Variants in SMC6 observed in about 807,000 individuals in gnomAD.
SMC6 encodes the protein structural maintenance of chromosomes protein 6.
A neutral mutation model predicts 142.2 loss-of-function variants in SMC6; 79 were observed. The observed-to-expected ratio is 0.56, with a 90% confidence interval of 0.46 to 0.67. The LOEUF (loss-of-function observed/expected upper bound fraction) is 0.67, where lower values mean the gene tolerates loss of function less well. SMC6 is among the 30% of genes least tolerant of loss of function. SMC6 has a pLI of 0.00. For synonymous variants in SMC6, 411 were observed against 412.4 expected (o/e 1.00, Z 0.04); for missense variants, 1,072 against 1,284.0 (o/e 0.83, Z 2.52).
At position 17,697,876 on chromosome 2, in the gene SMC6, T is replaced by C. The variant is rs139361808; in HGVS notation, c.2395-1450A>G. ...TGATAATACATATCTATACAAAAAC[T>C]TGTACATGAATGTTCGCAGCAGCAG... is the stretch of plus-strand genomic sequence containing the variant. On this transcript the variant is annotated intron_variant, in intron 21 of 27. Coordinates refer to ENST00000448223, the MANE Select transcript of SMC6 (RefSeq NM_001142286.2). 1.5e-3 allele frequency among the ~76,000 whole-genome samples: 221 copies of C among 152,168 alleles called. 12 individuals carry two copies. In the East Asian group the frequency reaches 0.036, roughly 25 times the overall value.
rs1034715060 is a variant in SMC6 at position 17,673,561 on chromosome 2, A to T, written c.2911-2986T>A. ...GCTTACTGTTTATTATTTAAAAAAA[A>T]ATTTTTTTTTTTAAATTTTTTTTTT... On this transcript the variant is annotated intron_variant, in intron 25 of 27. Coordinates refer to ENST00000448223, the MANE Select transcript of SMC6 (RefSeq NM_001142286.2). 1.0e-3 allele frequency among the ~76,000 whole-genome samples: 148 copies of T among 147,010 alleles called. 1 individual carries two copies. The highest frequency in any genetic ancestry group is 3.2e-3 in the African/African-American group (124 of 38,646).
intron 11 of SMC6, among the ~76,000 whole-genome samples, chr2:17,719,202 TG>T (rs939703591): frequency 6.6e-6 from 1 of 152,166 alleles, no homozygotes; most frequent in African/African-American, 2.4e-5. Context: ...GTAGAGGAAT[TG>T]TTTTTTTAAT....
At chr2:17,676,624 T>C (rs903582715) in intron 25 of SMC6, among the ~76,000 whole-genome samples, 6 of 152,232 alleles carry the variant, frequency 3.9e-5, no homozygotes, top group African/African-American at 1.4e-4. Flanking sequence ...AGGCAGTCTG[T>C]ATATCAATTT....
At chr2:17,724,974 G>T (rs1290672545) in intron 9 of SMC6, among the ~76,000 whole-genome samples, 1 of 152,088 alleles carries the variant, frequency 6.6e-6, no homozygotes, top group Admixed American at 6.5e-5. Context: ...GAACCCATTA[G>T]TCATACTATC....
chr2:17,739,821 AACACACACACAC>A (rs148768584), intron 4 of SMC6, among the ~76,000 whole-genome samples: 1 of 111,434 alleles, frequency 9.0e-6, no homozygotes, highest in African/African-American at 4.1e-5. Context: ...TTTCTCTTTA[AACACACACACAC>A]ACACACACAC....
At chr2:17,672,420 T>TCC (rs144596052) in intron 25 of SMC6, among the ~76,000 whole-genome samples, 1 of 294 alleles carries the variant, frequency 3.4e-3, no homozygotes, top group Admixed American at 0.05. Context: ...TTCTAATACT[T>TCC]TTTTTTCTCC....
chr2:17,696,477 T>C (rs547083556), intron 21 of SMC6, 51 bp from the exon 22 acceptor site: 8 of 1,577,196 alleles, frequency 5.1e-6, no homozygotes, highest in African/African-American at 2.7e-5. Context: ...ATTTCCAGCA[T>C]AGGTATAAAG....
intron 23 of SMC6, among the ~76,000 whole-genome samples, chr2:17,691,468 CAT>C (rs1413637063): frequency 2.7e-5 from 4 of 150,852 alleles, no homozygotes; most frequent in Non-Finnish European, 4.4e-5. Flanking sequence ...ACAAAAAACA[CAT>C]GACTCTCAAT....
intron 26 of SMC6, among the ~76,000 whole-genome samples, chr2:17,669,621 T>A (rs1666662340): frequency 6.6e-6 from 1 of 152,254 alleles, no homozygotes; most frequent in East Asian, 1.9e-4. Context: ...GGATGGAGGA[T>A]AGGTCTGTGG....
chr2:17,671,036 GT>G (rs138967912), intron 25 of SMC6, among the ~76,000 whole-genome samples: 85 of 137,046 alleles, frequency 6.2e-4, no homozygotes, highest in East Asian at 1.7e-3. Context: ...TAATTTTTGT[GT>G]TTTTTTTTTT....
chr2:17,699,833 G>A (rs1450695912), intron 21 of SMC6, among the ~76,000 whole-genome samples: 1 of 152,056 alleles, frequency 6.6e-6, no homozygotes, highest in African/African-American at 2.4e-5. Context: ...ATTTCAAGTT[G>A]GCTTTTACAG....
At chr2:17,715,791 T>C (rs1053078486) in intron 15 of SMC6, among the ~76,000 whole-genome samples, 5 of 152,170 alleles carry the variant, frequency 3.3e-5, no homozygotes, top group Admixed American at 3.3e-4. Context: ...ATCTTGATGT[T>C]ACTGGTTTTT....
intron 16 of SMC6, among the ~76,000 whole-genome samples, chr2:17,712,254 G>T (rs1438227794): frequency 1.3e-5 from 2 of 152,222 alleles, no homozygotes; most frequent in African/African-American, 4.8e-5. Flanking sequence ...TCTCCCCTAG[G>T]AGAGGTGTAT....
chr2:17,714,225 A>G (rs972753816), intron 16 of SMC6, among the ~76,000 whole-genome samples: 1 of 151,790 alleles, frequency 6.6e-6, no homozygotes, highest in African/African-American at 2.4e-5. Context: ...CCTTCCAAGT[A>G]GCTGGGACCA....
intron 5 of SMC6, 114 bp from the exon 6 acceptor site, chr2:17,731,991 C>T: frequency 1.9e-6 from 2 of 1,071,456 alleles, no homozygotes; most frequent in Non-Finnish European, 2.7e-6. Flanking sequence ...AATTCATTTG[C>T]AAATTAGATT....
At chr2:17,691,298 G>C (rs985250366) in intron 23 of SMC6, among the ~76,000 whole-genome samples, 4 of 123,664 alleles carry the variant, frequency 3.2e-5, no homozygotes, top group African/African-American at 1.3e-4. Context: ...CTATAAAAAA[G>C]CTGAATAGTA....
chr2:17,737,896 T>C (rs773245470), intron 5 of SMC6, among the ~76,000 whole-genome samples: 2 of 152,160 alleles, frequency 1.3e-5, no homozygotes, highest in Non-Finnish European at 2.9e-5. Flanking sequence ...TTTGGGTCAA[T>C]AGTCAGGAAT....
At chr2:17,740,305 AAAC>A (rs1338032032) in intron 4 of SMC6, among the ~76,000 whole-genome samples, 1 of 152,212 alleles carries the variant, frequency 6.6e-6, no homozygotes, top group African/African-American at 2.4e-5. Flanking sequence ...AAAGTAAGAA[AAAC>A]AACAAAAGGG....
chr2:17,700,040 T>C (rs1403954368), intron 21 of SMC6, among the ~76,000 whole-genome samples, 168 bp downstream of exon 21: 1 of 152,190 alleles, frequency 6.6e-6, no homozygotes, highest in Non-Finnish European at 1.5e-5. Context: ...AAGTGTTTAA[T>C]ACTAATTGAT....
Sources: allele counts gnomAD v4.1 joint callset (sites outside exome capture counted in the v4.1 genomes callset), GRCh38; gene constraint gnomAD v4.1.1; transcripts MANE v1.5; gene names NCBI Gene and HGNC (gene_info 2026-07-23, HGNC 2026-07-21).